The following PPFIA3 variants were observed in gnomAD, a reference collection of about 807,000 sequenced individuals.
PPFIA3 encodes the protein PPFI scaffold protein A3.
Under a neutral mutation model 145.8 loss-of-function variants are expected in PPFIA3, and 26 were observed. That is an observed-to-expected ratio of 0.18 (90% CI 0.13 to 0.25). The LOEUF is 0.25. PPFIA3 is among the 10% of genes least tolerant of loss of function. PPFIA3 has a pLI of 1.00. For missense variants in PPFIA3, 1,008 were observed against 1,587.8 expected (o/e 0.63, Z 6.21); for synonymous variants, 645 against 661.4 (o/e 0.98, Z 0.38).
chr19:49,138,300 G>A lies in PPFIA3; in HGVS notation c.1949G>A (p.Arg650His), dbSNP rs756648044. ...GGCTTGGACTCGTTGGGCCGCTACC[G>A]CAGCAGCTGCTCCCTGCCCCCCTCC... ...SSGLDSLGRY[R>H]SSCSLPPSLT... The change falls in exon 16 of 30, where the codon CGC (arginine) becomes CAC (histidine). Residue 650 changes from arginine (R) to histidine (H), a missense_variant. Physicochemically the swap from Arg to His is conservative, Grantham distance 29. Transcript: ENST00000334186. 16 of 1,612,882 alleles carry A rather than the reference G, an allele frequency of 9.9e-6. No individual in the cohort carries two copies. Among genetic ancestry groups the A allele is most frequent in the Non-Finnish European group, 1.3e-5 (15 of 1,179,580 alleles).
chr19:49,121,930 C>T (rs1450778237), intron 1 of PPFIA3, among the ~76,000 whole-genome samples: 1 of 151,930 alleles, frequency 6.6e-6, no homozygotes, highest in East Asian at 2.0e-4. Flanking sequence ...GCCATCGCGC[C>T]TGGCCGGGCC....
Position 49,139,836 on chromosome 19 carries a change from G to A in PPFIA3, c.2240+5G>A. 6.2e-7 allele frequency: 1 copy of A among 1,609,998 alleles called. No homozygotes were observed. The highest frequency in any genetic ancestry group is 1.7e-5 in the Admixed American group (1 of 59,770). On this transcript the variant is annotated splice_donor_5th_base_variant and intron_variant, in intron 17 of 29. Coordinates refer to ENST00000334186, the MANE Select transcript of PPFIA3 (RefSeq NM_003660.4). ...TGGGGGACCCCCACGGGGAAGGTCA[G>A]CAGGGACAAGGGATAGGGACAGGGA...
chr19:49,122,078 ATTT>A (rs4002359), intron 1 of PPFIA3, among the ~76,000 whole-genome samples: 4 of 131,786 alleles, frequency 3.0e-5, no homozygotes, highest in African/African-American at 2.9e-5. Flanking sequence ...CCAGATGCCA[ATTT>A]TTTTTTTTTT....
At chr19:49,145,385 A>C (rs991088857) in intron 21 of PPFIA3, among the ~76,000 whole-genome samples, 1 of 152,092 alleles carries the variant, frequency 6.6e-6, no homozygotes, top group Non-Finnish European at 1.5e-5. Flanking sequence ...TCTGTATTCA[A>C]ATTTCCCCAA....
In PPFIA3 at chr19:49,128,781, C is replaced by CGCCTA. The variant is rs2041035082; in HGVS notation, c.343-67_343-66insGCCTA. The CGCCTA allele has an allele frequency of 7.0e-7, 1 of 1,428,630 alleles. No homozygotes were observed. Among genetic ancestry groups the CGCCTA allele is most frequent in the Non-Finnish European group, 9.5e-7 (1 of 1,057,384 alleles). 88.5% of individuals were successfully genotyped at this position (1,428,630 alleles called of 1,614,324 possible). ...CTCCATGTGTCCGCCCTACCTGTCA[C>CGCCTA]CCTTTTTCTCACATCTGCCCCTTTT... On this transcript the variant is annotated intron_variant, in intron 3 of 29. Coordinates refer to ENST00000334186, the MANE Select transcript of PPFIA3 (RefSeq NM_003660.4). This position sits in a 1 kb window ranked among gnomAD's most constrained non-coding sequence, Gnocchi z 4.1.
At position 49,139,968 on chromosome 19, in the gene PPFIA3, A is replaced by G. The variant is rs748223676; in HGVS notation, c.2248A>G (p.Thr750Ala). ...TCTCTCCTGCTTTCCCAGTGAGGGCACCCCAGATTCTCTGCACAAAGCCCC... is the reference window on the plus strand; with the variant it reads ...TCTCTCCTGCTTTCCCAGTGAGGGCGCCCCAGATTCTCTGCACAAAGCCCC... Reference protein sequence around the residue: ...DGGPPRGSEGTPDSLHKAPKK... With the variant: ...DGGPPRGSEGAPDSLHKAPKK... Residue 750 changes from threonine (T) to alanine (A), a missense_variant, in exon 18 of 30, where the codon ACC (threonine) becomes GCC (alanine). By Grantham distance (58) the Thr-to-Ala change is moderately conservative (BLOSUM62 0). Transcript: ENST00000334186. The G allele has an allele frequency of 2.5e-6, 4 of 1,614,010 alleles. No individual in the cohort carries two copies. The highest frequency in any genetic ancestry group is 3.4e-6 in the Non-Finnish European group (4 of 1,180,040).
At chr19:49,129,551 C>A in intron 5 of PPFIA3, 97 bp downstream of exon 5, 2 of 1,316,892 alleles carry the variant, frequency 1.5e-6, no homozygotes, top group Admixed American at 2.0e-5. Flanking sequence ...CAGAGAGAAT[C>A]TATTGGGGCA....
chr19:49,148,026 GCA>G, intron 23 of PPFIA3, 55 bp from the exon 24 acceptor site: 1 of 1,540,464 alleles, frequency 6.5e-7, no homozygotes, highest in Non-Finnish European at 8.8e-7. Flanking sequence ...CCCCTCTCAT[GCA>G]CAGTGGGAAG....
rs765700194 is a variant in PPFIA3, at chr19:49,134,851, G to A, written c.1456G>A (p.Glu486Lys). The change falls in exon 13 of 30, where the codon GAA (glutamate) becomes AAA (lysine). Residue 486 changes from glutamate (E) to lysine (K), a missense_variant. Glu to Lys is a moderately conservative substitution (Grantham distance 56, BLOSUM62 1). This residue lies in a region of PPFIA3 where 21 missense variants were observed against 46.4 expected (regional missense o/e 0.45). Coordinates refer to ENST00000334186, the MANE Select transcript of PPFIA3 (RefSeq NM_003660.4). ...LLLNKEQLLAEMERMQMEIDQ... is the reference protein window; with the variant it reads ...LLLNKEQLLAKMERMQMEIDQ... ...CGGCCCCCAGGAGCAGCTCTTGGCCGAAATGGAGCGGATGCAGATGGAGAT... is the reference window on the plus strand; with the variant it reads ...CGGCCCCCAGGAGCAGCTCTTGGCCAAAATGGAGCGGATGCAGATGGAGAT... 17 of 1,597,192 alleles carry A rather than the reference G, an allele frequency of 1.1e-5. No individual in the cohort carries two copies. The highest frequency in any genetic ancestry group is 1.7e-5 in the Admixed American group (1 of 58,724).
At chr19:49,127,064 T>G (rs1600325818) in intron 1 of PPFIA3, among the ~76,000 whole-genome samples, 1 of 109,208 alleles carries the variant, frequency 9.2e-6, no homozygotes, top group African/African-American at 4.0e-5. Flanking sequence ...AGTCCAGGAG[T>G]GAGACCTCAT....
At chr19:49,145,367 C>T (rs978647902) in intron 21 of PPFIA3, among the ~76,000 whole-genome samples, 3 of 152,162 alleles carry the variant, frequency 2.0e-5, no homozygotes, top group African/African-American at 7.2e-5. Flanking sequence ...ATTTCATTTA[C>T]TATTCACTCT....
intron 1 of PPFIA3, among the ~76,000 whole-genome samples, chr19:49,126,110 A>T (rs2040995187): frequency 7.0e-6 from 1 of 142,094 alleles, no homozygotes; most frequent in Admixed American, 7.1e-5. Context: ...GCCACCACGC[A>T]AGCTAATTTT....
intron 18 of PPFIA3, among the ~76,000 whole-genome samples, chr19:49,140,664 T>TTG (rs1568439577): frequency 6.3e-4 from 87 of 137,792 alleles, no homozygotes; most frequent in African/African-American, 2.3e-3. Flanking sequence ...TTTTTTTTTT[T>TTG]TTTGTTTGGA....
rs2041295919 is a variant in PPFIA3 at position 49,147,685 on chromosome 19, A to AG, written c.2836-398_2836-397insG. On this transcript the variant is annotated intron_variant, in intron 23 of 29. Transcript: ENST00000334186. The stretch of plus-strand genomic sequence containing the variant: ...TGGGTGACATAGCAGACTCTTTCAG[A>AG]AAGAGAGAGAGAGAGAGAGAGAGAG... Among the ~76,000 whole-genome samples, 3 of 65,196 alleles carry AG rather than the reference A, an allele frequency of 4.6e-5. No individual in the cohort carries two copies. The South Asian group carries it at 1.3e-3, about 29-fold the overall frequency. 42.8% of individuals were successfully genotyped at this position (65,196 alleles called of 152,430 possible). A position where few individuals can be genotyped will look rare whatever the true frequency, so the allele number is the denominator to read the frequency against.
intron 21 of PPFIA3, 32 bp from the exon 22 acceptor site, chr19:49,145,911 C>G: frequency 6.2e-7 from 1 of 1,604,914 alleles, no homozygotes; most frequent in Non-Finnish European, 8.5e-7. Context: ...GAAGCCCTCT[C>G]CCACCATCCA....
intron 14 of PPFIA3, 24 bp downstream of exon 14, chr19:49,135,947 G>A (rs749366673): frequency 6.3e-7 from 1 of 1,586,412 alleles, no homozygotes; most frequent in East Asian, 2.3e-5. Flanking sequence ...TCTGGGTCCT[G>A]GACTGAGCAG....
At position 49,149,531 on chromosome 19, in the gene PPFIA3, C is replaced by G. The variant is rs766787592; in HGVS notation, c.3355-16C>G. 30 of 1,613,870 alleles carry G rather than the reference C, an allele frequency of 1.9e-5. No homozygotes were observed. Among genetic ancestry groups the G allele is most frequent in the Non-Finnish European group, 2.5e-5 (30 of 1,179,916 alleles). On this transcript the variant is annotated splice_polypyrimidine_tract_variant and intron_variant, in intron 27 of 29. Coordinates refer to ENST00000334186, the MANE Select transcript of PPFIA3 (RefSeq NM_003660.4). This position sits in a 1 kb window ranked among gnomAD's most constrained non-coding sequence, Gnocchi z 5.7. ...AGGCAGGAGTCCCTCACCGGCTGTC[C>G]GGCTCCTATACCTAGGACAGCGCCA...
intron 1 of PPFIA3, among the ~76,000 whole-genome samples, chr19:49,121,548 G>T (rs369106853): frequency 6.6e-6 from 1 of 151,964 alleles, no homozygotes; most frequent in African/African-American, 2.4e-5. Context: ...AGGCTGAAGC[G>T]GGCGGATCAC....
chr19:49,133,159 G>T lies in PPFIA3; in HGVS notation c.1026+12G>T. The T allele has an allele frequency of 2.5e-6, 4 of 1,587,636 alleles. No homozygotes were observed. Among genetic ancestry groups the T allele is most frequent in the Non-Finnish European group, 3.4e-6 (4 of 1,165,766 alleles). On this transcript the variant is annotated intron_variant, in intron 8 of 29. Coordinates refer to ENST00000334186, the MANE Select transcript of PPFIA3 (RefSeq NM_003660.4). This position sits in a 1 kb window ranked among gnomAD's most constrained non-coding sequence, Gnocchi z 7.2. ...CGTTGTATCGGCAGGTGGGGGCGCG[G>T]CCGGGAGGGGCGATGGGGGCGGTGC...
Sources: gnomAD v4.1 joint callset for allele counts (sites outside exome capture counted in the v4.1 genomes callset) on GRCh38, gnomAD v4.1.1 for gene constraint, gnomAD v4.1.1 regional missense constraint, Gnocchi (gnomAD v3.1) non-coding constraint, MANE v1.5 for transcripts, NCBI Gene and HGNC (gene_info 2026-07-23, HGNC 2026-07-21) for gene names.